Variants in DLC1 observed in about 807,000 individuals in gnomAD.
The protein encoded by DLC1 is rho GTPase-activating protein 7.
In DLC1, 54 loss-of-function variants were observed where a neutral mutation model predicts 140.3. That is an observed-to-expected ratio of 0.38 (90% confidence interval 0.31 to 0.48). DLC1 has a LOEUF of 0.48. Among genes scored for constraint, DLC1 ranks in the 20% least tolerant of loss-of-function variants. The pLI is 0.96. For synonymous variants in DLC1, 986 were observed against 728.1 expected (o/e 1.35, Z -5.70); for missense variants, 2,536 against 1,907.0 (o/e 1.33, Z -6.14).
intron 8 of DLC1, 153 bp from the exon 9 acceptor site, chr8:13,100,923 T>TTTTAG: frequency 2.8e-6 from 2 of 716,750 alleles, no homozygotes; most frequent in South Asian, 3.3e-5. Flanking sequence ...TTTTTTTTTT[T>TTTTAG]AAAAATAGGG....
intron 5 of DLC1, among the ~76,000 whole-genome samples, chr8:13,127,725 G>C (rs1220130308): frequency 6.6e-6 from 1 of 152,156 alleles, no homozygotes; most frequent in African/African-American, 2.4e-5. Context: ...ACCACCCCAG[G>C]GTGTGGAAAA....
At chr8:13,108,636 T>A (rs1364146877) in intron 7 of DLC1, among the ~76,000 whole-genome samples, 1 of 152,206 alleles carries the variant, frequency 6.6e-6, no homozygotes, top group Admixed American at 6.5e-5. Context: ...GCAGTGATAT[T>A]TTTATGACCC....
At chr8:13,467,025 AAT>A (rs1799973018) in intron 2 of DLC1, among the ~76,000 whole-genome samples, 1 of 152,084 alleles carries the variant, frequency 6.6e-6, no homozygotes, top group African/African-American at 2.4e-5. Flanking sequence ...GATCTTCTTT[AAT>A]ATGTTTCACT....
intron 5 of DLC1, among the ~76,000 whole-genome samples, chr8:13,206,602 C>T (rs1827674756): frequency 6.6e-6 from 1 of 151,942 alleles, no homozygotes. Context: ...GAATTCTAGG[C>T]TAAGTTTATG....
At chr8:13,580,993 A>T (rs2117444242) in intron 1 of DLC1, among the ~76,000 whole-genome samples, 1 of 152,318 alleles carries the variant, frequency 6.6e-6, no homozygotes, top group East Asian at 1.9e-4. Context: ...CAGCTTTCTT[A>T]TCAGCTTTCC....
intron 1 of DLC1, among the ~76,000 whole-genome samples, chr8:13,554,158 C>T (rs1319758548): frequency 1.3e-5 from 2 of 152,124 alleles, no homozygotes; most frequent in African/African-American, 4.8e-5. Context: ...CCTCTGCCTC[C>T]TGAGTTCACG....
chr8:13,231,756 G>A (rs1425987113), intron 5 of DLC1, among the ~76,000 whole-genome samples: 2 of 152,188 alleles, frequency 1.3e-5, no homozygotes, highest in African/African-American at 2.4e-5. Context: ...GATCAGATTA[G>A]TTTTAAAATG....
intron 2 of DLC1, among the ~76,000 whole-genome samples, chr8:13,457,299 A>G (rs1003392946): frequency 3.9e-5 from 6 of 152,206 alleles, no homozygotes; most frequent in African/African-American, 9.7e-5. Flanking sequence ...ATGTTACTAT[A>G]TAGTATAAAA....
intron 5 of DLC1, among the ~76,000 whole-genome samples, chr8:13,207,707 G>T (rs887201479): frequency 1.3e-5 from 2 of 152,090 alleles, no homozygotes; most frequent in Non-Finnish European, 2.9e-5. Flanking sequence ...GGGACATTTG[G>T]CAGTGTCTGG....
chr8:13,536,300 A>G (rs182747828), intron 1 of DLC1, among the ~76,000 whole-genome samples: 8 of 152,334 alleles, frequency 5.3e-5, no homozygotes, highest in African/African-American at 1.7e-4. Flanking sequence ...GTGACAAGGT[A>G]AAGTTGGAGA....
chr8:13,175,355 G>T (rs1585842653), intron 5 of DLC1, among the ~76,000 whole-genome samples: 2 of 148,408 alleles, frequency 1.3e-5, no homozygotes, highest in East Asian at 2.0e-4. Flanking sequence ...CTCGTTTTTG[G>T]TTTGATATGA....
At chr8:13,248,023 C>G (rs1003566241) in intron 5 of DLC1, among the ~76,000 whole-genome samples, 14 of 152,182 alleles carry the variant, frequency 9.2e-5, no homozygotes, top group African/African-American at 3.1e-4. Context: ...TGTTTAGTTA[C>G]AAAACACAGT....
chr8:13,268,815 A>G (rs1042686799), intron 5 of DLC1, among the ~76,000 whole-genome samples: 1 of 147,122 alleles, frequency 6.8e-6, no homozygotes, highest in Non-Finnish European at 1.5e-5. Context: ...GTAAATTTAA[A>G]CCCGTGTTTC....
At chr8:13,310,524 A>AT (rs1832631015) in intron 4 of DLC1, among the ~76,000 whole-genome samples, 1 of 152,244 alleles carries the variant, frequency 6.6e-6, no homozygotes, top group Non-Finnish European at 1.5e-5. Flanking sequence ...ACAAGAGCCC[A>AT]TTGTGGGCAC....
rs146138558 is a variant in DLC1, at chr8:13,427,891, C to T, written c.1024-26272G>A. 9.2e-5 allele frequency among the ~76,000 whole-genome samples: 14 copies of T among 152,324 alleles called. No homozygotes were observed. The East Asian group carries it at 2.7e-3, about 29-fold the overall frequency. On this transcript the variant is annotated intron_variant, in intron 2 of 17. Coordinates refer to ENST00000276297, the MANE Select transcript of DLC1 (RefSeq NM_182643.3). The stretch of plus-strand genomic sequence containing the variant: ...GATGTCTTCTTCTGACTTTGTACCT[C>T]TCACAGAACCAAATAAAATGTTAGG...
At chr8:13,477,333 C>T (rs1155204) in intron 2 of DLC1, among the ~76,000 whole-genome samples, 119,017 of 152,140 alleles carry the variant, frequency 0.78, 48,081 homozygotes, top group Middle Eastern at 0.9. Context: ...GAAACAGTTA[C>T]GCGGTAAGTG....
intron 2 of DLC1, 80 bp from the exon 3 acceptor site, chr8:13,401,699 G>C: frequency 1.3e-6 from 2 of 1,522,108 alleles, no homozygotes; most frequent in South Asian, 2.6e-5. Context: ...TCTTCAATGT[G>C]ACAAAAAGTA....
intron 4 of DLC1, among the ~76,000 whole-genome samples, chr8:13,323,229 A>G (rs1376854643): frequency 1.3e-5 from 2 of 152,246 alleles, no homozygotes; most frequent in Non-Finnish European, 2.9e-5. Context: ...GCAGCAAAAA[A>G]TAACAAATGC....
chr8:13,450,799 G>A (rs1382231148), intron 2 of DLC1, among the ~76,000 whole-genome samples: 2 of 151,776 alleles, frequency 1.3e-5, no homozygotes, highest in Admixed American at 1.3e-4. Flanking sequence ...CTAGCACTTC[G>A]GGAGGCCGAG....
Sources: allele counts gnomAD v4.1 joint callset (sites outside exome capture counted in the v4.1 genomes callset), GRCh38; gene constraint gnomAD v4.1.1; transcripts MANE v1.5; gene names NCBI Gene and HGNC (gene_info 2026-07-23, HGNC 2026-07-21).